CPXM2: variants seen among roughly 807,000 people sequenced by gnomAD.
The protein encoded by CPXM2 is carboxypeptidase X, M14 family member 2.
Under a neutral mutation model 86.1 loss-of-function variants are expected in CPXM2, and 66 were observed. The observed-to-expected ratio is 0.77, with a 90% CI of 0.63 to 0.94. The LOEUF (loss-of-function observed/expected upper bound fraction) is 0.94. CPXM2 is among the 40% of genes least tolerant of loss of function. The probability of loss-of-function intolerance (pLI) is 0.00; values close to 1 mark genes in which losing one functional copy is unlikely to be tolerated. For missense variants in CPXM2, 948 were observed against 1,026.3 expected, an observed-to-expected ratio of 0.92 and a Z score of 1.04; for synonymous variants, 388 against 400.2, an observed-to-expected ratio of 0.97 and a Z score of 0.36.
At chr10:123,886,362 G>C (rs989815067) in intron 1 of CPXM2, among the ~76,000 whole-genome samples, 1 of 152,154 alleles carries the variant, frequency 6.6e-6, no homozygotes, top group African/African-American at 2.4e-5. Flanking sequence ...AAAAGAGAAG[G>C]AAAGCTTAAA....
At position 123,775,174 on chromosome 10, in the gene CPXM2, A is replaced by G. The variant is rs866368747; in HGVS notation, c.979-4135T>C. 2.4e-4 allele frequency among the ~76,000 whole-genome samples: 37 copies of G among 152,318 alleles called. 1 individual carries two copies. The highest frequency in any genetic ancestry group is 1.5e-3 in the South Asian group (7 of 4,822). On this transcript the variant is annotated intron_variant, in intron 7 of 13. Coordinates refer to ENST00000241305, the MANE Select transcript of CPXM2 (RefSeq NM_198148.3). Reference sequence around the variant, plus strand: ...AAGGTGTAGTAGAGAAATGAGAACCAGTGCATCTCTGCTGCTTGTTTTATT... The same window carrying G: ...AAGGTGTAGTAGAGAAATGAGAACCGGTGCATCTCTGCTGCTTGTTTTATT...
intron 4 of CPXM2, among the ~76,000 whole-genome samples, chr10:123,805,685 C>T (rs1176831398): frequency 6.6e-6 from 1 of 152,000 alleles, no homozygotes; most frequent in East Asian, 1.9e-4. Context: ...TTGTTGGATG[C>T]AATGTTCCAT....
At chr10:123,793,364 A>G (rs998006297) in intron 6 of CPXM2, among the ~76,000 whole-genome samples, 1 of 149,982 alleles carries the variant, frequency 6.7e-6, no homozygotes, top group Non-Finnish European at 1.5e-5. Flanking sequence ...CCCGGAGGCT[A>G]AGGCAGGAGA....
At chr10:123,937,273 C>A (rs565021226) in intron 2 of CPXM2, among the ~76,000 whole-genome samples, 1 of 152,250 alleles carries the variant, frequency 6.6e-6, no homozygotes, top group East Asian at 1.9e-4. Flanking sequence ...TTACAATTCC[C>A]CTTGAAGCTT....
chr10:123,880,184 T>A (rs1367136454), intron 2 of CPXM2, 27 bp downstream of exon 2: 3 of 517,682 alleles, frequency 5.8e-6, no homozygotes, highest in African/African-American at 4.7e-5. Flanking sequence ...AGGACTGGTG[T>A]AGGGGCTCTC....
At chr10:123,890,332 G>C (rs879435451) in intron 1 of CPXM2, among the ~76,000 whole-genome samples, 8 of 152,222 alleles carry the variant, frequency 5.3e-5, no homozygotes, top group Non-Finnish European at 8.8e-5. Flanking sequence ...CTCTGCAAAG[G>C]GGGGTGCTCA....
chr10:123,894,656 A>G (rs567610022), upstream of CPXM2, among the ~76,000 whole-genome samples: 5 of 152,108 alleles, frequency 3.3e-5, no homozygotes, highest in Non-Finnish European at 7.4e-5. Flanking sequence ...ACTCTCACCT[A>G]TCTGCCTGGG....
At chr10:123,787,161 C>G (rs1589997806) in intron 6 of CPXM2, among the ~76,000 whole-genome samples, 1 of 152,166 alleles carries the variant, frequency 6.6e-6, no homozygotes, top group African/African-American at 2.4e-5. Context: ...GCCAGTTCCC[C>G]ATGCAGCTGG....
chr10:123,766,642 G>A (rs542822347), intron 10 of CPXM2, among the ~76,000 whole-genome samples: 1 of 152,134 alleles, frequency 6.6e-6, no homozygotes, highest in Non-Finnish European at 1.5e-5. Context: ...AATCAGTGAG[G>A]GCTAAGGATA....
chr10:123,774,183 C>T (rs987628970), intron 7 of CPXM2, among the ~76,000 whole-genome samples: 2 of 152,188 alleles, frequency 1.3e-5, no homozygotes, highest in African/African-American at 4.8e-5. Context: ...ACAGGAAGGC[C>T]ATCCTGGTCA....
chr10:123,780,462 G>A (rs934815610), intron 6 of CPXM2, among the ~76,000 whole-genome samples: 4 of 152,112 alleles, frequency 2.6e-5, no homozygotes, highest in Non-Finnish European at 5.9e-5. Context: ...GAATGCCTGG[G>A]TTCAAATCTC....
chr10:123,846,348 G>A (rs557918663), intron 3 of CPXM2, among the ~76,000 whole-genome samples: 5 of 152,242 alleles, frequency 3.3e-5, no homozygotes, highest in Non-Finnish European at 4.4e-5. Context: ...CATAAGGAGC[G>A]CACAACCCAG....
intron 2 of CPXM2, among the ~76,000 whole-genome samples, chr10:123,912,551 GC>G (rs2134271644): frequency 6.6e-6 from 1 of 152,350 alleles, no homozygotes; most frequent in African/African-American, 2.4e-5. Context: ...GGGGCTGGTG[GC>G]CAGGGCTTGT....
chr10:123,801,019 C>A (rs1315834949), intron 4 of CPXM2, among the ~76,000 whole-genome samples: 2 of 152,206 alleles, frequency 1.3e-5, no homozygotes, highest in East Asian at 3.8e-4. Context: ...AAGAAAGGTA[C>A]TGCCATTCAC....
intron 2 of CPXM2, among the ~76,000 whole-genome samples, chr10:123,910,457 C>T (rs1322441488): frequency 6.6e-6 from 1 of 152,166 alleles, no homozygotes; most frequent in African/African-American, 2.4e-5. Context: ...ACTGCACCCC[C>T]GGCCCCTGTT....
intron 4 of CPXM2, among the ~76,000 whole-genome samples, chr10:123,822,238 A>G (rs183047961): frequency 2.6e-5 from 4 of 152,378 alleles, no homozygotes; most frequent in Admixed American, 2.6e-4. Context: ...CTGTTCCTTT[A>G]CTTAACAAAA....
chr10:123,930,337 G>A (rs937681330), intron 2 of CPXM2, among the ~76,000 whole-genome samples: 9 of 152,248 alleles, frequency 5.9e-5, no homozygotes, highest in Non-Finnish European at 1.0e-4. Context: ...TGGAGGCAGA[G>A]GTGCTGTCCT....
intron 4 of CPXM2, among the ~76,000 whole-genome samples, chr10:123,816,488 C>T (rs1207465087): frequency 6.6e-6 from 1 of 152,218 alleles, no homozygotes; most frequent in African/African-American, 2.4e-5. Flanking sequence ...TGATTTCCAC[C>T]ACATCCCCAT....
chr10:123,933,137 A>G (rs556175535), intron 2 of CPXM2, among the ~76,000 whole-genome samples: 20 of 152,322 alleles, frequency 1.3e-4, no homozygotes, highest in Middle Eastern at 3.4e-3. Flanking sequence ...GGGCTCCACC[A>G]TGGCCTGGGT....
Sources: gnomAD v4.1 joint callset for allele counts (sites outside exome capture counted in the v4.1 genomes callset) on GRCh38, gnomAD v4.1.1 for gene constraint, MANE v1.5 for transcripts, NCBI Gene and HGNC (gene_info 2026-07-23, HGNC 2026-07-21) for gene names.